Variants in GALNTL6 observed in about 807,000 individuals in gnomAD.
GALNTL6 encodes the protein polypeptide N-acetylgalactosaminyltransferase-like 6.
In GALNTL6, 46 loss-of-function variants were observed where a neutral mutation model predicts 73.7. The ratio of observed to expected loss-of-function variants is 0.62; its 90% CI spans 0.49 to 0.80. The LOEUF (loss-of-function observed/expected upper bound fraction) is 0.80. GALNTL6 is among the 30% of genes least tolerant of loss of function. The pLI is 0.00. For synonymous variants in GALNTL6, 259 were observed against 263.7 expected (o/e 0.98, Z 0.17); for missense variants, 604 against 755.0 (o/e 0.80, Z 2.34).
At chr4:172,656,654 G>A (rs1482460533) in intron 5 of GALNTL6, among the ~76,000 whole-genome samples, 2 of 152,154 alleles carry the variant, frequency 1.3e-5, no homozygotes, top group African/African-American at 4.8e-5. Flanking sequence ...TAGTTCAGAT[G>A]GGCCACTAAA....
intron 2 of GALNTL6, among the ~76,000 whole-genome samples, chr4:172,044,921 A>G (rs1217486206): frequency 6.6e-5 from 10 of 152,032 alleles, no homozygotes; most frequent in Non-Finnish European, 1.5e-5. Flanking sequence ...CTTTTTCTAT[A>G]CAATATATTT....
rs181428198 is a variant in GALNTL6 at position 172,338,621 on chromosome 4, C to A, written c.387-9902C>A. On this transcript the variant is annotated intron_variant, in intron 4 of 12. Transcript: ENST00000506823. The stretch of plus-strand genomic sequence containing the variant: ...AGTAGATATCACTTCTGGGTAAAAG[C>A]CAGCTGTGGCCAATGTGGCTGGGTA... Among the ~76,000 whole-genome samples, 4 of 152,250 alleles carry A rather than the reference C, an allele frequency of 2.6e-5. No homozygotes were observed. The East Asian group carries it at 7.7e-4, about 29-fold the overall frequency.
chr4:172,036,171 A>T (rs184137267), intron 2 of GALNTL6, among the ~76,000 whole-genome samples: 139 of 152,184 alleles, frequency 9.1e-4, no homozygotes, highest in South Asian at 1.4e-3. Flanking sequence ...ATTCATATTT[A>T]TTTCCCTTTC....
At chr4:171,986,311 A>G (rs1579033374) in intron 2 of GALNTL6, among the ~76,000 whole-genome samples, 1 of 152,160 alleles carries the variant, frequency 6.6e-6, no homozygotes, top group East Asian at 1.9e-4. Flanking sequence ...TGGGGGTCAC[A>G]AGGTGCTCAG....
intron 5 of GALNTL6, among the ~76,000 whole-genome samples, chr4:172,427,461 G>A (rs1731274460): frequency 6.6e-6 from 1 of 152,066 alleles, no homozygotes; most frequent in Non-Finnish European, 1.5e-5. Flanking sequence ...GGGATTATGG[G>A]AGCTACAGTA....
intron 2 of GALNTL6, among the ~76,000 whole-genome samples, chr4:172,045,763 TAAAAAAA>T (rs111559625): frequency 4.3e-5 from 6 of 139,590 alleles, no homozygotes; most frequent in African/African-American, 1.0e-4. Flanking sequence ...ACAATAGAAC[TAAAAAAA>T]AAAAAGAAAA....
At chr4:172,091,407 C>T (rs1732198978) in intron 2 of GALNTL6, among the ~76,000 whole-genome samples, 1 of 152,164 alleles carries the variant, frequency 6.6e-6, no homozygotes, top group South Asian at 2.1e-4. Flanking sequence ...TACCTCTCTT[C>T]TTGAGATCCC....
intron 5 of GALNTL6, among the ~76,000 whole-genome samples, chr4:172,419,256 A>G (rs764759649): frequency 2.6e-5 from 4 of 152,154 alleles, no homozygotes; most frequent in Admixed American, 1.3e-4. Context: ...AACCAAGGCA[A>G]CCTAGGTCAC....
At chr4:173,024,579 A>G (rs10020676) in intron 12 of GALNTL6, among the ~76,000 whole-genome samples, 56,934 of 151,868 alleles carry the variant, frequency 0.37, 11,518 homozygotes, top group African/African-American at 0.51. Context: ...TGGCAGTTTT[A>G]GATGTTTTTG....
At position 172,913,379 on chromosome 4, in the gene GALNTL6, C is replaced by T. The variant is rs181759818; in HGVS notation, c.1042-17782C>T. ...TCGCCAGCAACAGAACAAAGCTGGA[C>T]GGAGAATGACTTTGATGAGTTGACA... On this transcript the variant is annotated intron_variant, in intron 8 of 12. Transcript: ENST00000506823. 1.1e-3 allele frequency among the ~76,000 whole-genome samples: 162 copies of T among 152,218 alleles called. 1 individual carries two copies. The highest frequency in any genetic ancestry group is 3.5e-3 in the African/African-American group (145 of 41,534).
At chr4:171,857,434 A>G (rs1279968181) in intron 2 of GALNTL6, among the ~76,000 whole-genome samples, 3 of 152,106 alleles carry the variant, frequency 2.0e-5, no homozygotes, top group Admixed American at 2.0e-4. Flanking sequence ...TGATGGCTTT[A>G]ACATAGAGAA....
At chr4:172,631,744 T>G (rs1280762326) in intron 5 of GALNTL6, among the ~76,000 whole-genome samples, 2 of 152,212 alleles carry the variant, frequency 1.3e-5, no homozygotes, top group African/African-American at 4.8e-5. Context: ...GTTTTTGTTG[T>G]TTTGCCATAC....
chr4:171,901,447 A>T (rs1737092418), intron 2 of GALNTL6, among the ~76,000 whole-genome samples: 1 of 152,228 alleles, frequency 6.6e-6, no homozygotes, highest in African/African-American at 2.4e-5. Context: ...GCCATGAAAC[A>T]GCAGGGAAAC....
At chr4:172,115,583 T>C (rs1335784925) in intron 2 of GALNTL6, among the ~76,000 whole-genome samples, 2 of 152,156 alleles carry the variant, frequency 1.3e-5, no homozygotes, top group Non-Finnish European at 2.9e-5. Context: ...GAAATATGTT[T>C]CCAGGTCTTG....
At chr4:172,868,550 C>G (rs542403309) in intron 7 of GALNTL6, among the ~76,000 whole-genome samples, 2 of 152,288 alleles carry the variant, frequency 1.3e-5, no homozygotes, top group East Asian at 3.9e-4. Flanking sequence ...TGGATCTTTG[C>G]AAGCTCTATA....
At chr4:172,525,945 T>C (rs984179689) in intron 5 of GALNTL6, among the ~76,000 whole-genome samples, 3 of 152,204 alleles carry the variant, frequency 2.0e-5, no homozygotes, top group African/African-American at 7.2e-5. Context: ...AATGAAAATA[T>C]ATTTTATTTC....
At chr4:171,927,969 A>C (rs1188978745) in intron 2 of GALNTL6, among the ~76,000 whole-genome samples, 1 of 152,142 alleles carries the variant, frequency 6.6e-6, no homozygotes, top group African/African-American at 2.4e-5. Context: ...TTTCAGAAAA[A>C]TTACCACTCA....
intron 2 of GALNTL6, among the ~76,000 whole-genome samples, chr4:171,906,643 A>G (rs1473384920): frequency 1.3e-5 from 2 of 152,234 alleles, no homozygotes; most frequent in Admixed American, 6.5e-5. Context: ...AACTCATTTT[A>G]TGAGGCCAGC....
At chr4:172,292,275 A>T (rs1392001652) in intron 3 of GALNTL6, among the ~76,000 whole-genome samples, 5 of 147,546 alleles carry the variant, frequency 3.4e-5, no homozygotes, top group Non-Finnish European at 6.0e-5. Flanking sequence ...ATTATAGCAT[A>T]AAAAAAAAAC....
Sources: gnomAD v4.1 joint callset for allele counts (sites outside exome capture counted in the v4.1 genomes callset) on GRCh38, gnomAD v4.1.1 for gene constraint, MANE v1.5 for transcripts, NCBI Gene and HGNC (gene_info 2026-07-23, HGNC 2026-07-21) for gene names.